Variants in BBC3 observed in about 807,000 individuals in gnomAD.
The protein encoded by BBC3 is bcl-2-binding component 3.
A neutral mutation model predicts 18.2 loss-of-function variants in BBC3; 5 were observed. The ratio of observed to expected loss-of-function variants is 0.27; its 90% CI spans 0.14 to 0.58. The LOEUF is 0.58. BBC3 is among the 20% of genes least tolerant of loss of function. The pLI is 0.91. For missense variants in BBC3, 224 were observed against 268.9 expected, an observed-to-expected ratio of 0.83 and a Z score of 1.17; for synonymous variants, 119 against 128.0, an observed-to-expected ratio of 0.93 and a Z score of 0.47.
At chr19:47,226,132 C>A (rs1035412209) in intron 3 of BBC3, among the ~76,000 whole-genome samples, 1 of 151,878 alleles carries the variant, frequency 6.6e-6, no homozygotes, top group African/African-American at 2.4e-5. Flanking sequence ...CTGCGGTCCC[C>A]GGCCCGCCCC....
At position 47,221,909 on chromosome 19, in the gene BBC3, C is replaced by G. The variant is rs1262150015; in HGVS notation, c.475G>C (p.Glu159Gln). 8.1e-6 allele frequency: 13 copies of G among 1,603,038 alleles called. No individual in the cohort carries two copies. The highest frequency in any genetic ancestry group is 1.7e-5 in the Admixed American group (1 of 57,188). ...NAQYERRRQE[E>Q]QQRHRPSPWR... ...GGTGAGGGGCGGTGCCGCTGCTGCTCCTCTTGTCTCTGGGGAAAAGAGAGA... is the reference window on the plus strand; with the variant it reads ...GGTGAGGGGCGGTGCCGCTGCTGCTGCTCTTGTCTCTGGGGAAAAGAGAGA... The change falls in exon 4 of 4, where the codon GAG becomes CAG. Residue 159 changes from glutamate (E) to glutamine (Q), a missense_variant. By Grantham distance (29) the Glu-to-Gln change is conservative. Transcript: ENST00000439096.
Position 47,228,219 on chromosome 19 carries a change from G to A in BBC3, c.213C>T (p.Ala71=), listed in dbSNP as rs1267456354. The change falls in exon 2 of 4, where the codon GCC becomes GCT. Residue 71 remains alanine, a synonymous_variant. Transcript: ENST00000439096. This position sits in a 1 kb window ranked among gnomAD's most constrained non-coding sequence, Gnocchi z 5.5. ...APTAPPAVTA[A]LGGSRWPGGP... ...CCCCAGGCCAGCGGGAACCCCCCAG[G>A]GCGGCGGTGACGGCGGGTGGGGCGG... is the stretch of plus-strand genomic sequence containing the variant. 4 of 1,222,984 alleles carry A rather than the reference G, an allele frequency of 3.3e-6. No homozygotes were observed. In the African/African-American group the frequency reaches 6.3e-5, roughly 19 times the overall value. 75.8% of individuals were successfully genotyped at this position (1,222,984 alleles called of 1,614,324 possible).
chr19:47,228,579 A>C lies in BBC3; in HGVS notation c.-15-133T>G. 1.1e-6 allele frequency: 1 copy of C among 919,824 alleles called. No individual in the cohort carries two copies. The highest frequency in any genetic ancestry group is 5.7e-5 in the South Asian group (1 of 17,472). 57.0% of individuals were successfully genotyped at this position (919,824 alleles called of 1,614,324 possible). On this transcript the variant is annotated intron_variant, in intron 1 of 3. Transcript: ENST00000439096. This position sits in a 1 kb window ranked among gnomAD's most constrained non-coding sequence, Gnocchi z 5.5. ...TGCATGCGGAGGGGGTGACGGCCCC[A>C]CAGAGACACGCCCAGCCGGGGGATG...
chr19:47,224,816 G>A (rs866696594), intron 3 of BBC3, among the ~76,000 whole-genome samples: 8 of 144,748 alleles, frequency 5.5e-5, no homozygotes, highest in Admixed American at 4.3e-4. Context: ...TCGGCTCACT[G>A]CAACCTCCAC....
Position 47,230,949 on chromosome 19 carries a change from G to A in BBC3, c.-36C>T, listed in dbSNP as rs1289737700. The A allele has an allele frequency of 2.0e-6, 2 of 984,026 alleles. No homozygotes were observed. Among genetic ancestry groups the A allele is most frequent in the Non-Finnish European group, 2.4e-6 (2 of 828,782 alleles). 61.0% of individuals were successfully genotyped at this position (984,026 alleles called of 1,614,324 possible). On this transcript the variant is annotated 5_prime_UTR_variant, in exon 1 of 4. Transcript: ENST00000439096. The surrounding 1 kb of genome is among the most constrained non-coding windows in gnomAD (Gnocchi z 6.7). Reference sequence around the variant, plus strand: ...CTCACCCCGGGGGCATGAACACGCCGGAGGGGGCGGCGGTGGGGGGCGGGC... The same window carrying A: ...CTCACCCCGGGGGCATGAACACGCCAGAGGGGGCGGCGGTGGGGGGCGGGC...
At chr19:47,222,085 G>A in intron 3 of BBC3, 167 bp from the exon 4 acceptor site, 1 of 594,542 alleles carries the variant, frequency 1.7e-6, no homozygotes, top group Non-Finnish European at 2.8e-6. Context: ...TCCTCATCCA[G>A]GACATGAGAC....
At position 47,228,069 on chromosome 19, in the gene BBC3, C is replaced by G. The variant is rs1038401554; in HGVS notation, c.274+89G>C. The G allele has an allele frequency of 4.7e-6, 5 of 1,073,008 alleles. No homozygotes were observed. The highest frequency in any genetic ancestry group is 4.7e-6 in the Non-Finnish European group (4 of 850,810). The allele number at this position is 1,073,008 out of a possible 1,614,324, so 66.5% of individuals were successfully genotyped here. A position where few individuals can be genotyped will look rare whatever the true frequency, so the allele number is the denominator to read the frequency against. ...GCCCGGCTGGGCCCGCCACCTCCCC[C>G]CGTCCTCTCCCACTTCTCCAGTTCC... On this transcript the variant is annotated intron_variant, in intron 2 of 3. Coordinates refer to ENST00000439096, the MANE Select transcript of BBC3 (RefSeq NM_014417.5). The surrounding 1 kb of genome is among the most constrained non-coding windows in gnomAD (Gnocchi z 5.5).
chr19:47,231,193 G>A lies in BBC3; in HGVS notation c.-280C>T. ...CGCCCGCTCGCATGTGGCTCGCGCC[G>A]CGTCTCAGGCCGCCCGGCGGATCCC... On this transcript the variant is annotated 5_prime_UTR_variant, in exon 1 of 4. Coordinates refer to ENST00000439096, the MANE Select transcript of BBC3 (RefSeq NM_014417.5). The surrounding 1 kb of genome is among the most constrained non-coding windows in gnomAD (Gnocchi z 4.0). The A allele has an allele frequency of 1.0e-6, 1 of 982,986 alleles. No homozygotes were observed. Among genetic ancestry groups the A allele is most frequent in the Non-Finnish European group, 1.2e-6 (1 of 828,756 alleles). 60.9% of individuals were successfully genotyped at this position (982,986 alleles called of 1,614,324 possible).
intron 2 of BBC3, among the ~76,000 whole-genome samples, chr19:47,227,416 T>G (rs985425880): frequency 6.6e-6 from 1 of 150,692 alleles, no homozygotes; most frequent in Non-Finnish European, 1.5e-5. Context: ...AGGGCCTCAG[T>G]TTCCACATCT....
rs1290034867 is a variant in BBC3 at position 47,230,725 on chromosome 19, G to T, written c.-16+204C>A. On this transcript the variant is annotated intron_variant, in intron 1 of 3. Transcript: ENST00000439096. This position sits in a 1 kb window ranked among gnomAD's most constrained non-coding sequence, Gnocchi z 6.7. The stretch of plus-strand genomic sequence containing the variant: ...AACCCGCCAGACCGCCGAGGCACCT[G>T]TGCGCCCAGACCGGCGCCCCAACGC... 1.0e-6 allele frequency: 1 copy of T among 984,942 alleles called. No individual in the cohort carries two copies. The allele number at this position is 984,942 out of a possible 1,614,324, so 61.0% of individuals were successfully genotyped here.
intron 3 of BBC3, 71 bp downstream of exon 3, chr19:47,226,493 G>A: frequency 6.9e-7 from 1 of 1,447,074 alleles, no homozygotes; most frequent in Non-Finnish European, 9.2e-7. Flanking sequence ...CGCACATCTG[G>A]CGGGGGCCGC....
chr19:47,229,174 CACAA>C (rs776119586), intron 1 of BBC3, among the ~76,000 whole-genome samples: 20 of 152,092 alleles, frequency 1.3e-4, no homozygotes, highest in Non-Finnish European at 1.8e-4. Context: ...CCTTTGCAAA[CACAA>C]ACACACACAC....
At chr19:47,225,961 C>T (rs1353903687) in intron 3 of BBC3, among the ~76,000 whole-genome samples, 1 of 152,096 alleles carries the variant, frequency 6.6e-6, no homozygotes, top group East Asian at 1.9e-4. Flanking sequence ...GCAAGCAATG[C>T]GGGTGTAATG....
rs1232367590 is a variant in BBC3 at position 47,223,198 on chromosome 19, T to G, written c.466-1280A>C. ...AGGCAGGAGAATGGCGTGAACCCGG[T>G]AGGTGGAGCTTGCAGTGAGCCGAGA... On this transcript the variant is annotated intron_variant, in intron 3 of 3. Transcript: ENST00000439096. Among the ~76,000 whole-genome samples, 10 of 145,724 alleles carry G rather than the reference T, an allele frequency of 6.9e-5. No individual in the cohort carries two copies. In the East Asian group the frequency reaches 1.0e-3, roughly 15 times the overall value.
rs996833314 is a variant in BBC3, at chr19:47,221,001, C to T, written c.*801G>A. The stretch of plus-strand genomic sequence containing the variant: ...TCCTCCCTCTTCCGAGATTTCCCCC[C>T]CTCCCTGACTCCCCGTCTTCCCCCC... On this transcript the variant is annotated 3_prime_UTR_variant, in exon 4 of 4. Coordinates refer to ENST00000439096, the MANE Select transcript of BBC3 (RefSeq NM_014417.5). 5 of 151,678 alleles carry T rather than the reference C, an allele frequency of 3.3e-5. No individual in the cohort carries two copies. Among genetic ancestry groups the T allele is most frequent in the African/African-American group, 9.7e-5 (4 of 41,310 alleles). 9.4% of individuals were successfully genotyped at this position (151,678 alleles called of 1,614,324 possible).
chr19:47,225,069 G>A (rs563102124), intron 3 of BBC3, among the ~76,000 whole-genome samples: 17 of 151,916 alleles, frequency 1.1e-4, no homozygotes, highest in East Asian at 1.9e-4. Flanking sequence ...GTGCCACCAC[G>A]CCTGGCTAAT....
At position 47,228,194 on chromosome 19, in the gene BBC3, C is replaced by G. The variant is rs2058862035; in HGVS notation, c.238G>C (p.Gly80Arg). Residue 80 changes from glycine to arginine, a missense_variant, in exon 2 of 4, where the codon GGT becomes CGT. Coordinates refer to ENST00000439096, the MANE Select transcript of BBC3 (RefSeq NM_014417.5). This position sits in a 1 kb window ranked among gnomAD's most constrained non-coding sequence, Gnocchi z 5.5. ...GGGCCTCGGGGCCGGCTGCGGGGAC[C>G]CCCAGGCCAGCGGGAACCCCCCAGG... ...AALGGSRWPG[G>R]PRSRPRGPRP... is the part of the protein sequence containing the mutation. 1.6e-6 allele frequency: 2 copies of G among 1,225,052 alleles called. No homozygotes were observed. The highest frequency in any genetic ancestry group is 2.0e-6 in the Non-Finnish European group (2 of 983,670). 75.9% of individuals were successfully genotyped at this position (1,225,052 alleles called of 1,614,324 possible).
Position 47,231,033 on chromosome 19 carries a change from G to T in BBC3, c.-120C>A. The T allele has an allele frequency of 1.0e-6, 1 of 982,504 alleles. No homozygotes were observed. Among genetic ancestry groups the T allele is most frequent in the South Asian group, 4.5e-5 (1 of 22,060 alleles). The allele number at this position is 982,504 out of a possible 1,614,324, so 60.9% of individuals were successfully genotyped here. ...CGCTCTCCGCGGCGGCTGCTGCTGT[G>T]GCTGTCGCTGCTGCTGCCGCTCTAA... is the stretch of plus-strand genomic sequence containing the variant. On this transcript the variant is annotated 5_prime_UTR_variant, in exon 1 of 4. Transcript: ENST00000439096. This position sits in a 1 kb window ranked among gnomAD's most constrained non-coding sequence, Gnocchi z 4.0.
intron 2 of BBC3, among the ~76,000 whole-genome samples, chr19:47,227,825 T>G (rs947754195): frequency 6.6e-6 from 1 of 152,076 alleles, no homozygotes; most frequent in Non-Finnish European, 1.5e-5. Context: ...CCACTCTCCC[T>G]GCAACAGGAA....
Sources: allele counts gnomAD v4.1 joint callset (sites outside exome capture counted in the v4.1 genomes callset), GRCh38; gene constraint gnomAD v4.1.1; non-coding constraint Gnocchi (gnomAD v3.1); transcripts MANE v1.5; gene names NCBI Gene and HGNC (gene_info 2026-07-23, HGNC 2026-07-21).